PCDHA2: variants seen among roughly 807,000 people sequenced by gnomAD.
PCDHA2 encodes the protein protocadherin alpha-2.
Under a neutral mutation model 66.0 loss-of-function variants are expected in PCDHA2, and 58 were observed. That is an observed-to-expected ratio of 0.88 (90% CI 0.71 to 1.09). The LOEUF is 1.09. Among genes scored for constraint, PCDHA2 ranks in the 50% least tolerant of loss-of-function variants. PCDHA2 has a pLI of 0.00. For synonymous variants in PCDHA2, 634 were observed against 554.0 expected (o/e 1.14, Z -2.03); for missense variants, 1,267 against 1,242.3 (o/e 1.02, Z -0.30).
intron 1 of PCDHA2, among the ~76,000 whole-genome samples, chr5:140,934,564 A>T (rs2089922231): frequency 6.6e-6 from 1 of 152,076 alleles, no homozygotes; most frequent in African/African-American, 2.4e-5. Flanking sequence ...TCTTTTTTTT[A>T]ATTAATTGTA....
chr5:140,823,877 T>C (rs1554129642), intron 1 of PCDHA2: 1 of 1,613,762 alleles, frequency 6.2e-7, no homozygotes, highest in African/African-American at 1.3e-5. Context: ...TACCTGATCA[T>C]CGCCATCTGT....
intron 1 of PCDHA2, chr5:140,843,770 C>A: frequency 6.8e-7 from 1 of 1,463,438 alleles, no homozygotes; most frequent in Non-Finnish European, 9.4e-7. Flanking sequence ...ATTGTAGTTA[C>A]TTTAAAAGTG....
At chr5:140,874,935 G>T (rs2055180248) in intron 1 of PCDHA2, among the ~76,000 whole-genome samples, 1 of 152,168 alleles carries the variant, frequency 6.6e-6, no homozygotes, top group South Asian at 2.1e-4. Context: ...AAAAGTTATT[G>T]AAACAGCGGA....
chr5:140,825,928 C>G (rs1768763008), intron 1 of PCDHA2: 2 of 151,504 alleles, frequency 1.3e-5, no homozygotes, highest in East Asian at 3.9e-4. Flanking sequence ...GGTGTCCTCT[C>G]CATCTGAAAT....
At chr5:140,928,942 T>G in intron 1 of PCDHA2, 1 of 1,614,062 alleles carries the variant, frequency 6.2e-7, no homozygotes, top group Non-Finnish European at 8.5e-7. Flanking sequence ...GAACTTGTAT[T>G]TAGTAATTGC....
intron 1 of PCDHA2, among the ~76,000 whole-genome samples, chr5:140,921,611 A>C (rs781805165): frequency 6.6e-6 from 1 of 152,224 alleles, no homozygotes; most frequent in Non-Finnish European, 1.5e-5. Context: ...AATAAGAAAA[A>C]TATCATCAGA....
chr5:140,904,552 T>C (rs1233525886), intron 1 of PCDHA2, among the ~76,000 whole-genome samples: 1 of 152,084 alleles, frequency 6.6e-6, no homozygotes, highest in Non-Finnish European at 1.5e-5. Flanking sequence ...TTTCATATAA[T>C]GACTTTTTTT....
chr5:140,831,107 C>G (rs1479291703), intron 1 of PCDHA2: 1 of 152,120 alleles, frequency 6.6e-6, no homozygotes, highest in Non-Finnish European at 1.5e-5. Context: ...AGTTATCAGC[C>G]TGAATACTTC....
intron 1 of PCDHA2, among the ~76,000 whole-genome samples, chr5:140,973,235 A>C (rs1390895303): frequency 6.6e-6 from 1 of 152,218 alleles, no homozygotes; most frequent in Non-Finnish European, 1.5e-5. Context: ...GTGACCTGAA[A>C]GAGTTAATTC....
chr5:140,803,636 A>T, intron 1 of PCDHA2: 1 of 1,613,714 alleles, frequency 6.2e-7, no homozygotes, highest in Non-Finnish European at 8.5e-7. Context: ...TTTGTTTTTC[A>T]TTCCTCAATG....
In PCDHA2 at chr5:140,807,889, T is replaced by A. The variant is rs782700290; in HGVS notation, c.2388+10537T>A. The A allele has an allele frequency of 6.8e-6, 11 of 1,613,918 alleles. No individual in the cohort carries two copies. Among genetic ancestry groups the A allele is most frequent in the Non-Finnish European group, 9.3e-6 (11 of 1,179,900 alleles). ...TTCAGTTACTCATCACAGTACTGGA[T>A]GCCAATGACAATGCCCCAGCTTTTG... On this transcript the variant is annotated intron_variant, in intron 1 of 3. Transcript: ENST00000526136.
intron 1 of PCDHA2, chr5:140,882,011 ATAC>A (rs1437092618): frequency 3.8e-6 from 2 of 531,314 alleles, no homozygotes; most frequent in Admixed American, 3.8e-5. Flanking sequence ...GGGCAAAAAA[ATAC>A]TACATCAATG....
chr5:140,842,557 C>T (rs200079412), intron 1 of PCDHA2: 4 of 1,596,448 alleles, frequency 2.5e-6, no homozygotes, highest in Non-Finnish European at 3.4e-6. Context: ...TGGACAGCGC[C>T]CTGGACCGCG....
At chr5:140,895,137 G>A (rs1184479322) in intron 1 of PCDHA2, among the ~76,000 whole-genome samples, 2 of 152,072 alleles carry the variant, frequency 1.3e-5, no homozygotes, top group Non-Finnish European at 2.9e-5. Context: ...CAAGTTCATA[G>A]GGCTAAGACA....
At chr5:140,990,670 A>T (rs1172208113) in intron 3 of PCDHA2, among the ~76,000 whole-genome samples, 1 of 152,192 alleles carries the variant, frequency 6.6e-6, no homozygotes, top group Non-Finnish European at 1.5e-5. Flanking sequence ...CATTAGATGC[A>T]CACCAAGCTG....
chr5:140,869,880 T>C (rs923843539), intron 1 of PCDHA2: 12 of 1,610,162 alleles, frequency 7.5e-6, no homozygotes, highest in South Asian at 3.3e-5. Flanking sequence ...CTAAAGAAAC[T>C]CTTGTGCTCA....
At chr5:140,803,689 A>G in intron 1 of PCDHA2, 1 of 1,560,856 alleles carries the variant, frequency 6.4e-7, no homozygotes, top group Non-Finnish European at 8.7e-7. Flanking sequence ...AGTATGAATT[A>G]TGTGATTCAT....
At chr5:140,808,364 G>A (rs76650315) in intron 1 of PCDHA2, 6 of 1,614,170 alleles carry the variant, frequency 3.7e-6, no homozygotes, top group African/African-American at 2.7e-5. Flanking sequence ...GACGTCCCAC[G>A]TCCCCTTCAA....
intron 1 of PCDHA2, among the ~76,000 whole-genome samples, chr5:140,964,203 C>T (rs2095816993): frequency 6.6e-6 from 1 of 152,212 alleles, no homozygotes; most frequent in African/African-American, 2.4e-5. Context: ...TATACCATCT[C>T]TTTAGTACAA....
Sources: allele counts gnomAD v4.1 joint callset (sites outside exome capture counted in the v4.1 genomes callset), GRCh38; gene constraint gnomAD v4.1.1; transcripts MANE v1.5; gene names NCBI Gene and HGNC (gene_info 2026-07-23, HGNC 2026-07-21).